CNTN5: variants seen among roughly 807,000 people sequenced by gnomAD.
CNTN5 encodes the protein contactin 5.
A neutral mutation model predicts 129.1 loss-of-function variants in CNTN5; 77 were observed. The observed-to-expected ratio is 0.60, with a 90% CI of 0.50 to 0.72. CNTN5 has a LOEUF of 0.72. CNTN5 is among the 30% of genes least tolerant of loss of function. CNTN5 has a pLI of 0.00. For synonymous variants in CNTN5, 509 were observed against 465.6 expected (o/e 1.09, Z -1.20); for missense variants, 1,478 against 1,328.8 (o/e 1.11, Z -1.75).
At chr11:99,731,003 T>C (rs1208987460) in intron 3 of CNTN5, among the ~76,000 whole-genome samples, 1 of 152,172 alleles carries the variant, frequency 6.6e-6, no homozygotes, top group Non-Finnish European at 1.5e-5. Context: ...CTCCATGAGA[T>C]AGCTTAGGTA....
chr11:99,117,225 A>G (rs886635739), intron 1 of CNTN5, among the ~76,000 whole-genome samples: 4 of 152,198 alleles, frequency 2.6e-5, no homozygotes, highest in Admixed American at 1.3e-4. Context: ...TGAACTATTT[A>G]TAAGGTATAG....
chr11:99,917,434 G>T (rs758909849), intron 7 of CNTN5, among the ~76,000 whole-genome samples: 3 of 151,984 alleles, frequency 2.0e-5, no homozygotes, highest in Non-Finnish European at 4.4e-5. Flanking sequence ...AAAGTGTATA[G>T]CATTAATATA....
At chr11:99,454,640 G>C (rs760454920) in intron 2 of CNTN5, among the ~76,000 whole-genome samples, 1 of 152,072 alleles carries the variant, frequency 6.6e-6, no homozygotes, top group Non-Finnish European at 1.5e-5. Flanking sequence ...ATGCTGAACT[G>C]TGAGTCAATT....
At chr11:100,259,555 C>T (rs1379790027) in intron 17 of CNTN5, among the ~76,000 whole-genome samples, 1 of 152,056 alleles carries the variant, frequency 6.6e-6, no homozygotes, top group Non-Finnish European at 1.5e-5. Flanking sequence ...GTAAAACGCT[C>T]CTCAACAAAT....
chr11:99,072,982 GC>G lies in CNTN5; in HGVS notation c.-210+51713del, dbSNP rs1236788534. 3.3e-5 allele frequency among the ~76,000 whole-genome samples: 5 copies of G among 152,206 alleles called. No individual in the cohort carries two copies. The East Asian group carries it at 9.7e-4, about 29-fold the overall frequency. On this transcript the variant is annotated intron_variant, in intron 1 of 24. Coordinates refer to ENST00000524871, the MANE Select transcript of CNTN5 (RefSeq NM_014361.4). ...AACTTCATATAAATGAAATTGTGCA[GC>G]ATATATTCTCTATTTCTGGCTTCTT... is the stretch of plus-strand genomic sequence containing the variant.
rs78262527 is a variant in CNTN5 at position 99,774,133 on chromosome 11, T to A, written c.56-45411T>A. ...TTTCCAAGTTCTAGAATGGTTTAAG[T>A]TTTCGAACCACCCCTATAACATTAT... On this transcript the variant is annotated intron_variant, in intron 3 of 24. Transcript: ENST00000524871. Among the ~76,000 whole-genome samples the A allele has an allele frequency of 9.9e-3, 1,503 of 152,110 alleles. 29 individuals carry two copies. Among genetic ancestry groups the A allele is most frequent in the African/African-American group, 0.034 (1,416 of 41,498 alleles).
intron 6 of CNTN5, among the ~76,000 whole-genome samples, chr11:99,885,119 C>CA (rs1052552335): frequency 1.1e-4 from 17 of 151,838 alleles, no homozygotes; most frequent in African/African-American, 4.1e-4. Context: ...CCTGTCTCTA[C>CA]AAAAAATACA....
rs552891026 is a variant in CNTN5 at position 100,248,738 on chromosome 11, C to T, written c.2006-7022C>T. On this transcript the variant is annotated intron_variant, in intron 16 of 24. Coordinates refer to ENST00000524871, the MANE Select transcript of CNTN5 (RefSeq NM_014361.4). ...AAAAAGCCAGAAAAGTTGCTTGGCA[C>T]GGAGAATTCATCTTAGCATTGTGCA... Among the ~76,000 whole-genome samples, 7 of 152,212 alleles carry T rather than the reference C, an allele frequency of 4.6e-5. No homozygotes were observed. The East Asian group carries it at 5.8e-4, about 13-fold the overall frequency.
chr11:100,310,402 C>T (rs1231752188), intron 21 of CNTN5, among the ~76,000 whole-genome samples: 1 of 151,926 alleles, frequency 6.6e-6, no homozygotes, highest in Non-Finnish European at 1.5e-5. Flanking sequence ...GTTGACATCT[C>T]TCTGTGAGGT....
At chr11:99,621,448 AG>A (rs1463683067) in intron 3 of CNTN5, among the ~76,000 whole-genome samples, 2 of 152,222 alleles carry the variant, frequency 1.3e-5, no homozygotes, top group Non-Finnish European at 1.5e-5. Context: ...ATTACTGTAT[AG>A]AAAGATGCCA....
intron 1 of CNTN5, among the ~76,000 whole-genome samples, chr11:99,050,029 A>G (rs1864364521): frequency 6.6e-6 from 1 of 152,114 alleles, no homozygotes; most frequent in Non-Finnish European, 1.5e-5. Context: ...ATTAGTTTCT[A>G]TGATAACTAC....
At chr11:99,798,622 T>G (rs1326667682) in intron 3 of CNTN5, among the ~76,000 whole-genome samples, 3 of 152,142 alleles carry the variant, frequency 2.0e-5, no homozygotes, top group Admixed American at 2.0e-4. Flanking sequence ...TCCATTGATT[T>G]GTGTGTCTGT....
chr11:99,791,969 T>C (rs1357295224), intron 3 of CNTN5, among the ~76,000 whole-genome samples: 2 of 152,182 alleles, frequency 1.3e-5, no homozygotes, highest in South Asian at 2.1e-4. Context: ...TCCTGAAACT[T>C]TGCTAACATT....
chr11:99,342,439 T>C lies in CNTN5; in HGVS notation c.-71+16955T>C, dbSNP rs551569117. Among the ~76,000 whole-genome samples the C allele has an allele frequency of 3.3e-5, 5 of 151,520 alleles. No homozygotes were observed. The South Asian group carries it at 1.0e-3, about 32-fold the overall frequency. On this transcript the variant is annotated intron_variant, in intron 2 of 24. Coordinates refer to ENST00000524871, the MANE Select transcript of CNTN5 (RefSeq NM_014361.4). ...AATTTGAAATGGTGTCATTTTATTA[T>C]TTAAGAAGCAGGCAAACAGGCGTAG...
chr11:100,265,359 GCT>G (rs1430414360), intron 17 of CNTN5, among the ~76,000 whole-genome samples: 2 of 152,104 alleles, frequency 1.3e-5, no homozygotes, highest in African/African-American at 2.4e-5. Flanking sequence ...CTCCAAAATA[GCT>G]CTTTTAGATG....
At chr11:99,534,017 A>C (rs1477965122) in intron 2 of CNTN5, among the ~76,000 whole-genome samples, 9 of 152,208 alleles carry the variant, frequency 5.9e-5, no homozygotes, top group Admixed American at 5.9e-4. Context: ...ATTCTGTTAA[A>C]ACCCATCAAA....
intron 1 of CNTN5, among the ~76,000 whole-genome samples, chr11:99,143,874 G>T (rs538357651): frequency 1.3e-5 from 2 of 152,206 alleles, no homozygotes; most frequent in South Asian, 4.1e-4. Context: ...AGAGGAGGGT[G>T]GGAATTACAA....
At chr11:99,537,538 A>G (rs1434397357) in intron 2 of CNTN5, among the ~76,000 whole-genome samples, 2 of 152,120 alleles carry the variant, frequency 1.3e-5, no homozygotes, top group Non-Finnish European at 2.9e-5. Context: ...CTTATAACTA[A>G]GCACCCTTCT....
intron 3 of CNTN5, among the ~76,000 whole-genome samples, chr11:99,818,992 C>G (rs945283660): frequency 2.0e-5 from 3 of 151,896 alleles, no homozygotes; most frequent in African/African-American, 7.3e-5. Context: ...AACACATGTG[C>G]TACATTGAAC....
Sources: gnomAD v4.1 joint callset for allele counts (sites outside exome capture counted in the v4.1 genomes callset) on GRCh38, gnomAD v4.1.1 for gene constraint, MANE v1.5 for transcripts, NCBI Gene and HGNC (gene_info 2026-07-23, HGNC 2026-07-21) for gene names.